Variants in STARD13 observed in about 807,000 individuals in gnomAD.
STARD13 encodes the protein StAR related lipid transfer domain containing 13.
STARD13 carries 62 observed loss-of-function variants against 106.4 expected under a neutral mutation model. The observed-to-expected ratio is 0.58, with a 90% CI of 0.48 to 0.72. The LOEUF (loss-of-function observed/expected upper bound fraction) is 0.72, where lower values mean the gene tolerates loss of function less well. Ranked by LOEUF, STARD13 falls within the 30% of genes least tolerant of loss-of-function variation. The pLI, the probability that STARD13 is intolerant of heterozygous loss-of-function variation, is 0.00. For missense variants in STARD13, 1,387 were observed against 1,424.0 expected (o/e 0.97, Z 0.42); for synonymous variants, 565 against 553.0 (o/e 1.02, Z -0.31).
the STARD13 span, among the ~76,000 whole-genome samples, chr13:33,405,352 G>A: frequency 6.6e-6 from 1 of 152,240 alleles, no homozygotes; most frequent in Non-Finnish European, 1.5e-5. Flanking sequence ...GGGGCTGAGT[G>A]TGTAGCCCCT....
At chr13:33,586,168 T>A in the STARD13 span, among the ~76,000 whole-genome samples, 1 of 152,172 alleles carries the variant, frequency 6.6e-6, no homozygotes, top group Non-Finnish European at 1.5e-5. Flanking sequence ...GATTCACATA[T>A]CAATGCTCCT....
At chr13:33,417,489 T>G in the STARD13 span, among the ~76,000 whole-genome samples, 1 of 152,208 alleles carries the variant, frequency 6.6e-6, no homozygotes, top group African/African-American at 2.4e-5. Flanking sequence ...AGCGGCATTA[T>G]TCACAGTAGC....
intron 3 of STARD13, among the ~76,000 whole-genome samples, chr13:33,151,913 C>G (rs977756433): frequency 1.1e-4 from 17 of 152,080 alleles, no homozygotes; most frequent in African/African-American, 4.1e-4. Flanking sequence ...TGCAGAGAGG[C>G]AGAAACAGAG....
the STARD13 span, among the ~76,000 whole-genome samples, chr13:33,381,574 C>G: frequency 6.6e-6 from 1 of 152,120 alleles, no homozygotes; most frequent in Non-Finnish European, 1.5e-5. Flanking sequence ...ACCCCCCTCT[C>G]TACTGAAACA....
At chr13:33,456,290 A>G in the STARD13 span, among the ~76,000 whole-genome samples, 1 of 152,152 alleles carries the variant, frequency 6.6e-6, no homozygotes, top group African/African-American at 2.4e-5. Flanking sequence ...CCCGGGTTCA[A>G]GCAATTCTCC....
At chr13:33,154,774 A>G (rs1402363642) in intron 3 of STARD13, among the ~76,000 whole-genome samples, 2 of 152,126 alleles carry the variant, frequency 1.3e-5, no homozygotes, top group African/African-American at 4.8e-5. Flanking sequence ...AGATCCAGAT[A>G]ATTTTTCTAG....
chr13:33,657,130 C>T, the STARD13 span, among the ~76,000 whole-genome samples: 1 of 152,048 alleles, frequency 6.6e-6, no homozygotes, highest in Non-Finnish European at 1.5e-5. Flanking sequence ...ATTAGCTGGG[C>T]GTGGTGGCGG....
chr13:33,477,243 C>T, the STARD13 span, among the ~76,000 whole-genome samples: 1 of 152,196 alleles, frequency 6.6e-6, no homozygotes, highest in African/African-American at 2.4e-5. Context: ...TGGTTTTGGG[C>T]TCTTAAAATG....
intron 1 of STARD13, among the ~76,000 whole-genome samples, chr13:33,239,892 G>A (rs945134376): frequency 6.6e-6 from 1 of 152,074 alleles, no homozygotes; most frequent in Non-Finnish European, 1.5e-5. Context: ...GAGTTTTTAA[G>A]TTTGATGTAG....
intron 1 of STARD13, among the ~76,000 whole-genome samples, chr13:33,338,230 C>T (rs146745818): frequency 6.6e-6 from 1 of 152,278 alleles, no homozygotes; most frequent in East Asian, 1.9e-4. Context: ...CCATGAAATC[C>T]AGACAGAAAA....
chr13:33,458,779 G>A, the STARD13 span, among the ~76,000 whole-genome samples: 34 of 150,028 alleles, frequency 2.3e-4, no homozygotes, highest in Non-Finnish European at 4.6e-4. Context: ...TCCTCTGGGC[G>A]CTTCTGAGTG....
At chr13:33,495,368 G>A in the STARD13 span, among the ~76,000 whole-genome samples, 1 of 152,140 alleles carries the variant, frequency 6.6e-6, no homozygotes, top group African/African-American at 2.4e-5. Flanking sequence ...GACTTGTTAA[G>A]AAAATGCTAA....
chr13:33,508,658 G>C, the STARD13 span, among the ~76,000 whole-genome samples: 79,026 of 151,698 alleles, frequency 0.52, 21,787 homozygotes, highest in African/African-American at 0.72. Context: ...AGGGAGGACT[G>C]CCCCATTCCT....
chr13:33,466,375 AC>A, the STARD13 span, among the ~76,000 whole-genome samples: 2 of 152,180 alleles, frequency 1.3e-5, no homozygotes, highest in African/African-American at 4.8e-5. Flanking sequence ...GTAATAAAAT[AC>A]CCTGCATCCC....
intron 1 of STARD13, among the ~76,000 whole-genome samples, chr13:33,335,619 T>C (rs2077887274): frequency 6.6e-6 from 1 of 152,268 alleles, no homozygotes; most frequent in Non-Finnish European, 1.5e-5. Flanking sequence ...AGTAGGTTAG[T>C]AACGGTAAGC....
chr13:33,105,638 G>A lies in STARD13; in HGVS notation c.3297C>T (p.Asn1099=). ...LCAAEVARIR[N]SFQPLIAEGP... ...CCTCAGCAATGAGGGGCTGGAAAGA[G>A]TTTCTAATCCTGGCAACTTCTGCTG... The change falls in exon 14 of 14, where the codon AAC becomes AAT. Residue 1099 remains asparagine (N), a synonymous_variant. Transcript: ENST00000336934. 1 of 1,614,108 alleles carries A rather than the reference G, an allele frequency of 6.2e-7. No individual in the cohort carries two copies. The highest frequency in any genetic ancestry group is 1.6e-4 in the Middle Eastern group (1 of 6,062).
chr13:33,282,737 C>G (rs1237913118), intron 1 of STARD13, among the ~76,000 whole-genome samples: 1 of 152,140 alleles, frequency 6.6e-6, no homozygotes, highest in Non-Finnish European at 1.5e-5. Context: ...TGATTAAAAG[C>G]TGTTAGTGAC....
chr13:33,630,664 G>A, the STARD13 span, among the ~76,000 whole-genome samples: 1 of 152,148 alleles, frequency 6.6e-6, no homozygotes, highest in Non-Finnish European at 1.5e-5. Flanking sequence ...AAGAATTTTT[G>A]TAAAGACCCA....
At chr13:33,487,808 C>A in the STARD13 span, among the ~76,000 whole-genome samples, 1 of 152,186 alleles carries the variant, frequency 6.6e-6, no homozygotes, top group East Asian at 1.9e-4. Context: ...CAAGCTTATA[C>A]TTATGCTGCA....
Sources: allele counts gnomAD v4.1 joint callset (sites outside exome capture counted in the v4.1 genomes callset), GRCh38; gene constraint gnomAD v4.1.1; transcripts MANE v1.5; gene names NCBI Gene and HGNC (gene_info 2026-07-23, HGNC 2026-07-21).